The following KIAA1217 variants were observed in gnomAD, a reference collection of about 807,000 sequenced individuals.
KIAA1217 encodes the protein sickle tail protein homolog.
In KIAA1217, 88 loss-of-function variants were observed where a neutral mutation model predicts 163.9. The ratio of observed to expected loss-of-function variants is 0.54; its 90% CI spans 0.45 to 0.64. The LOEUF (loss-of-function observed/expected upper bound fraction) is 0.64, where lower values mean the gene tolerates loss of function less well. Among genes scored for constraint, KIAA1217 ranks in the 30% least tolerant of loss-of-function variants. KIAA1217 has a pLI of 0.00. For synonymous variants in KIAA1217, 903 were observed against 923.1 expected (o/e 0.98, Z 0.39); for missense variants, 2,372 against 2,475.0 (o/e 0.96, Z 0.88).
chr10:24,243,134 T>G (rs1392791817), intron 2 of KIAA1217, among the ~76,000 whole-genome samples: 2 of 152,202 alleles, frequency 1.3e-5, no homozygotes, highest in African/African-American at 4.8e-5. Flanking sequence ...AAATATTTAT[T>G]TCATTCAAAG....
intron 3 of KIAA1217, among the ~76,000 whole-genome samples, chr10:24,396,615 C>CTGGA (rs1401002576): frequency 2.6e-5 from 4 of 152,074 alleles, no homozygotes; most frequent in Non-Finnish European, 5.9e-5. Flanking sequence ...GAGCCATGAC[C>CTGGA]TGGAGCATGT....
intron 1 of KIAA1217, among the ~76,000 whole-genome samples, chr10:23,806,351 T>C (rs1354556436): frequency 6.6e-6 from 1 of 152,158 alleles, no homozygotes; most frequent in Non-Finnish European, 1.5e-5. Flanking sequence ...AAGAAACAAA[T>C]GATAAAATGT....
At chr10:24,347,500 G>T (rs766229587) in intron 2 of KIAA1217, among the ~76,000 whole-genome samples, 3 of 152,126 alleles carry the variant, frequency 2.0e-5, no homozygotes, top group Admixed American at 6.5e-5. Context: ...TGCCAGCTTT[G>T]ACTACCCTTG....
intron 1 of KIAA1217, among the ~76,000 whole-genome samples, chr10:23,833,915 C>T (rs1838330381): frequency 6.6e-6 from 1 of 151,738 alleles, no homozygotes; most frequent in African/African-American, 2.4e-5. Flanking sequence ...TGTTTTATTG[C>T]CATCAGTTTT....
At chr10:23,928,534 A>G (rs944508653) in intron 1 of KIAA1217, among the ~76,000 whole-genome samples, 2 of 152,282 alleles carry the variant, frequency 1.3e-5, no homozygotes, top group Non-Finnish European at 2.9e-5. Flanking sequence ...TTTGCAAGAC[A>G]TTACTCTAGG....
intron 1 of KIAA1217, among the ~76,000 whole-genome samples, chr10:23,990,425 CA>C (rs1189420050): frequency 6.6e-6 from 1 of 152,048 alleles, no homozygotes; most frequent in African/African-American, 2.4e-5. Flanking sequence ...TATCCTTCAC[CA>C]TTAAATTATT....
rs12573202 is a variant in KIAA1217 at position 24,184,551 on chromosome 10, G to A, written c.-170-35075G>A. Among the ~76,000 whole-genome samples, 89 of 152,246 alleles carry A rather than the reference G, an allele frequency of 5.8e-4. No homozygotes were observed. The East Asian group carries it at 0.011, about 18-fold the overall frequency. Reference sequence around the variant, plus strand: ...CACACAGACTAAGCACCTTCAAAGCGCACAGTCCTCAAGTATATGTTATGG... The same window carrying A: ...CACACAGACTAAGCACCTTCAAAGCACACAGTCCTCAAGTATATGTTATGG... On this transcript the variant is annotated intron_variant, in intron 2 of 18. Transcript: ENST00000376462.
chr10:24,027,824 T>C (rs1848028760), intron 2 of KIAA1217, among the ~76,000 whole-genome samples: 1 of 152,116 alleles, frequency 6.6e-6, no homozygotes, highest in Admixed American at 6.6e-5. Flanking sequence ...AAATAAGACC[T>C]ATCGCCCAAT....
intron 2 of KIAA1217, among the ~76,000 whole-genome samples, chr10:24,046,871 C>A (rs1436653990): frequency 1.3e-5 from 2 of 151,420 alleles, no homozygotes; most frequent in Non-Finnish European, 2.9e-5. Flanking sequence ...TGATGCTAGA[C>A]CACCTTTCTA....
chr10:24,379,084 A>G (rs2052938150), intron 2 of KIAA1217, among the ~76,000 whole-genome samples: 1 of 151,900 alleles, frequency 6.6e-6, no homozygotes, highest in Admixed American at 6.6e-5. Flanking sequence ...GCTTAAAGTA[A>G]TATTATTTCT....
At chr10:24,305,780 C>T (rs999628402) in intron 2 of KIAA1217, among the ~76,000 whole-genome samples, 1 of 152,102 alleles carries the variant, frequency 6.6e-6, no homozygotes, top group Non-Finnish European at 1.5e-5. Flanking sequence ...TCTGTCAGGA[C>T]GTGTCATCTT....
chr10:24,159,507 T>C (rs2131881126), intron 2 of KIAA1217, among the ~76,000 whole-genome samples: 1 of 151,594 alleles, frequency 6.6e-6, no homozygotes, highest in East Asian at 1.9e-4. Flanking sequence ...AGGCTGGGGG[T>C]GGTGACTCAT....
intron 2 of KIAA1217, among the ~76,000 whole-genome samples, chr10:24,244,628 G>C (rs902275367): frequency 2.7e-5 from 4 of 146,042 alleles, no homozygotes; most frequent in African/African-American, 1.0e-4. Flanking sequence ...GCAGTGGCGA[G>C]ATGTCCGCTT....
At chr10:24,358,599 G>A (rs1388291601) in intron 2 of KIAA1217, among the ~76,000 whole-genome samples, 1 of 152,152 alleles carries the variant, frequency 6.6e-6, no homozygotes, top group African/African-American at 2.4e-5. Flanking sequence ...ATCAAAGTAG[G>A]AAGGGTGGAT....
intron 2 of KIAA1217, among the ~76,000 whole-genome samples, chr10:24,080,429 C>T (rs2061502121): frequency 6.6e-6 from 1 of 152,174 alleles, no homozygotes; most frequent in Admixed American, 6.5e-5. Context: ...TTTTCCTAAG[C>T]CATTAATGGA....
rs576524793 is a variant in KIAA1217 at position 24,314,335 on chromosome 10, C to T, written c.355-66534C>T. Among the ~76,000 whole-genome samples the T allele has an allele frequency of 3.9e-5, 6 of 152,092 alleles. No homozygotes were observed. In the South Asian group the frequency reaches 8.3e-4, roughly 21 times the overall value. On this transcript the variant is annotated intron_variant, in intron 2 of 20. Coordinates refer to ENST00000376454, the MANE Select transcript of KIAA1217 (RefSeq NM_019590.5). Reference sequence around the variant, plus strand: ...AAAATTTAAGCATCTTGACAACATGCGGGAGACTTAGGGGCAGAGAAGGAC... The same window carrying T: ...AAAATTTAAGCATCTTGACAACATGTGGGAGACTTAGGGGCAGAGAAGGAC...
chr10:23,818,522 G>A (rs1837473408), intron 1 of KIAA1217, among the ~76,000 whole-genome samples: 1 of 151,744 alleles, frequency 6.6e-6, no homozygotes, highest in Non-Finnish European at 1.5e-5. Context: ...CCAGCAAGAG[G>A]AAGGAATATA....
intron 10 of KIAA1217, among the ~76,000 whole-genome samples, chr10:24,514,352 T>C (rs566296835): frequency 4.6e-5 from 7 of 152,308 alleles, no homozygotes; most frequent in Middle Eastern, 3.4e-3. Context: ...AAGATTTCCA[T>C]GATGGAAAGC....
At chr10:23,818,052 T>C (rs1422210932) in intron 1 of KIAA1217, among the ~76,000 whole-genome samples, 1 of 118,850 alleles carries the variant, frequency 8.4e-6, no homozygotes, top group East Asian at 2.1e-4. Flanking sequence ...TATATACACA[T>C]ATATATACAT....
Sources: allele counts gnomAD v4.1 joint callset (sites outside exome capture counted in the v4.1 genomes callset), GRCh38; gene constraint gnomAD v4.1.1; transcripts MANE v1.5; gene names NCBI Gene and HGNC (gene_info 2026-07-23, HGNC 2026-07-21).